SYNE1: variants seen among roughly 807,000 people sequenced by gnomAD.
SYNE1 encodes nesprin-1.
SYNE1 carries 616 observed loss-of-function variants against 1,111.0 expected under a neutral mutation model. That is an observed-to-expected ratio of 0.55 (90% CI 0.52 to 0.59). The LOEUF (loss-of-function observed/expected upper bound fraction) is 0.59, where lower values mean the gene tolerates loss of function less well. Among genes scored for constraint, SYNE1 ranks in the 20% least tolerant of loss-of-function variants. The pLI, the probability that SYNE1 is intolerant of heterozygous loss-of-function variation, is 0.00. For synonymous variants in SYNE1, 3,855 were observed against 3,825.8 expected (o/e 1.01, Z -0.28); for missense variants, 10,006 against 10,417.0 (o/e 0.96, Z 1.72).
At chr6:152,317,070 CAA>C in intron 86 of SYNE1, 84 bp from the exon 87 acceptor site, 1 of 1,522,514 alleles carries the variant, frequency 6.6e-7, no homozygotes, top group Non-Finnish European at 9.0e-7. Flanking sequence ...TCTTTGGACA[CAA>C]CAGTCTTAGG....
Position 152,488,470 on chromosome 6 carries a change from C to T in SYNE1, c.973G>A (p.Val325Ile). The change falls in exon 12 of 146, where the codon GTT becomes ATT. Residue 325 changes from valine to isoleucine, a missense_variant. Val to Ile is a conservative substitution (Grantham distance 29). Around this residue, in one of 7 missense-constraint regions of SYNE1, gnomAD observed 1,971 missense variants for 2,084.1 expected, o/e 0.95. Transcript: ENST00000367255. ...EDRVIFKEMK[V>I]WIEQFERDLT... is the part of the protein sequence containing the mutation. ...TCTCTCTCAAATTGTTCTATCCAAA[C>T]TTTCATTTCCTTAAAAATTACTCTG... is the stretch of plus-strand genomic sequence containing the variant. 1 of 1,606,076 alleles carries T rather than the reference C, an allele frequency of 6.2e-7. No homozygotes were observed. The highest frequency in any genetic ancestry group is 8.5e-7 in the Non-Finnish European group (1 of 1,174,426).
At position 152,353,762 on chromosome 6, in the gene SYNE1, C is replaced by T. The variant is rs759603128; in HGVS notation, c.10927-18G>A. 2.4e-5 allele frequency: 38 copies of T among 1,613,152 alleles called. No homozygotes were observed. Among genetic ancestry groups the T allele is most frequent in the Non-Finnish European group, 2.7e-5 (32 of 1,180,036 alleles). ...TGCCACTTCTGAAATGACAAAGTAT[C>T]GAAGGGAAAGATTCAATCTTAGCCA... On this transcript the variant is annotated intron_variant, in intron 67 of 145. Coordinates refer to ENST00000367255, the MANE Select transcript of SYNE1 (RefSeq NM_182961.4).
At chr6:152,211,219 C>T (rs992370569) in intron 124 of SYNE1, among the ~76,000 whole-genome samples, 2 of 152,150 alleles carry the variant, frequency 1.3e-5, no homozygotes, top group Non-Finnish European at 2.9e-5. Flanking sequence ...CTGATCTATT[C>T]ATTAATTCCA....
rs1932994 is a variant in SYNE1, at chr6:152,308,471, C to T, written c.17346+18G>A. ...AGCCAGTTTCCTGCCCTCGGTATTT[C>T]GCCTACATTCCTCTCACCTCATGCC... On this transcript the variant is annotated intron_variant, in intron 91 of 145. Coordinates refer to ENST00000367255, the MANE Select transcript of SYNE1 (RefSeq NM_182961.4). 1.1e-5 allele frequency: 17 copies of T among 1,613,886 alleles called. No individual in the cohort carries two copies. Among genetic ancestry groups the T allele is most frequent in the African/African-American group, 5.3e-5 (4 of 74,884 alleles).
At chr6:152,460,414 T>G (rs1323839941) in intron 21 of SYNE1, among the ~76,000 whole-genome samples, 2 of 152,142 alleles carry the variant, frequency 1.3e-5, no homozygotes, top group African/African-American at 4.8e-5. Context: ...TCATGATTTT[T>G]CCTATTTTAG....
intron 6 of SYNE1, among the ~76,000 whole-genome samples, chr6:152,513,094 G>A (rs2099093641): frequency 6.6e-6 from 1 of 152,174 alleles, no homozygotes; most frequent in Admixed American, 6.5e-5. Flanking sequence ...CCTCTGGAAA[G>A]TGTCTTAAAA....
At chr6:152,231,280 C>G (rs763453967) in intron 114 of SYNE1, 111 bp downstream of exon 114, 9 of 1,116,588 alleles carry the variant, frequency 8.1e-6, no homozygotes, top group Non-Finnish European at 1.2e-5. Flanking sequence ...TTATTGGAAG[C>G]GTTCTTTGCC....
intron 63 of SYNE1, chr6:152,363,638 C>A: frequency 2.5e-6 from 1 of 392,662 alleles, no homozygotes; most frequent in Non-Finnish European, 5.1e-6. Context: ...TCCATCCATC[C>A]ACACCCCCGG....
chr6:152,377,632 AAAAAAAAAATATATATATATAT>A (rs2097312065), intron 56 of SYNE1, among the ~76,000 whole-genome samples: 1 of 85,538 alleles, frequency 1.2e-5, no homozygotes, highest in Non-Finnish European at 2.1e-5. Context: ...AAAAAAAAAA[AAAAAAAAAATATATATATATAT>A]ATATATATAT....
intron 11 of SYNE1, among the ~76,000 whole-genome samples, chr6:152,492,975 G>A (rs577933190): frequency 6.6e-6 from 1 of 152,042 alleles, no homozygotes; most frequent in Admixed American, 6.6e-5. Context: ...ATTAGATCAA[G>A]ACATTTTAAG....
chr6:152,426,013 T>C (rs1206645685), intron 38 of SYNE1, among the ~76,000 whole-genome samples: 1 of 152,180 alleles, frequency 6.6e-6, no homozygotes, highest in Non-Finnish European at 1.5e-5. Context: ...CCTTTCTATT[T>C]AGAGTCTAGA....
chr6:152,248,207 C>G (rs936667593), intron 105 of SYNE1, among the ~76,000 whole-genome samples: 1 of 152,146 alleles, frequency 6.6e-6, no homozygotes, highest in Non-Finnish European at 1.5e-5. Context: ...CTGCAAACAT[C>G]CCCTACAACT....
At chr6:152,605,024 GAGAGAGAGA>G (rs2099609706) in intron 3 of SYNE1, among the ~76,000 whole-genome samples, 1 of 72,964 alleles carries the variant, frequency 1.4e-5, no homozygotes, top group Non-Finnish European at 2.6e-5. Context: ...GAGAGAGAGA[GAGAGAGAGA>G]GAGGGAGGGA....
intron 46 of SYNE1, 41 bp from the exon 47 acceptor site, chr6:152,401,382 A>G (rs1257350714): frequency 1.3e-6 from 2 of 1,574,928 alleles, no homozygotes; most frequent in Non-Finnish European, 1.7e-6. Context: ...TCTGAAGACC[A>G]GAAGAATACT....
In SYNE1 at chr6:152,458,884, A is replaced by C. The variant is rs1379888339; in HGVS notation, c.2441T>G (p.Leu814Trp). The C allele has an allele frequency of 6.2e-7, 1 of 1,614,088 alleles. No homozygotes were observed. The highest frequency in any genetic ancestry group is 2.2e-5 in the East Asian group (1 of 44,874). The change falls in exon 22 of 146, where the codon TTG (leucine) becomes TGG (tryptophan). Residue 814 changes from leucine to tryptophan, a missense_variant. Physicochemically the swap from Leu to Trp is moderately conservative, Grantham distance 61. Transcript: ENST00000367255. ...SPLLYESQQLLIPLEELEKQM... is the reference protein window; with the variant it reads ...SPLLYESQQLWIPLEELEKQM... ...CTTTTCTAATTCCTCCAACGGAATC[A>C]ACAGCTGCTGAGACTCATAAAGGAG...
At chr6:152,421,582 G>A (rs1229738632) in intron 39 of SYNE1, among the ~76,000 whole-genome samples, 6 of 151,926 alleles carry the variant, frequency 3.9e-5, no homozygotes. Flanking sequence ...TTTTTATTAT[G>A]TTCCCATAAT....
Position 152,249,175 on chromosome 6 carries a change from C to T in SYNE1, c.19558G>A (p.Ala6520Thr). The change falls in exon 105 of 146, where the codon GCA becomes ACA. Residue 6520 changes from alanine to threonine, a missense_variant. Transcript: ENST00000367255. Reference protein sequence around the residue: ...KLANVFEQPVAEQIEAIQQAE... With the variant: ...KLANVFEQPVTEQIEAIQQAE... ...GCTATAAATACCTCTATTTGTTCTGCTACGGGCTGTTCAAACACATTTGCC... is the reference window on the plus strand; with the variant it reads ...GCTATAAATACCTCTATTTGTTCTGTTACGGGCTGTTCAAACACATTTGCC... 2.5e-6 allele frequency: 4 copies of T among 1,612,746 alleles called. No individual in the cohort carries two copies. The highest frequency in any genetic ancestry group is 1.1e-5 in the South Asian group (1 of 91,056).
chr6:152,624,595 A>T (rs1312866231), intron 3 of SYNE1, among the ~76,000 whole-genome samples: 1 of 152,164 alleles, frequency 6.6e-6, no homozygotes, highest in Non-Finnish European at 1.5e-5. Context: ...ATACCCCTTT[A>T]TTATACTATT....
chr6:152,225,570 A>T, intron 116 of SYNE1, 151 bp downstream of exon 116: 1 of 930,328 alleles, frequency 1.1e-6, no homozygotes, highest in Non-Finnish European at 1.7e-6. Context: ...TTTAAAAAAA[A>T]AAAAGAGGAT....
Sources: allele counts gnomAD v4.1 joint callset (sites outside exome capture counted in the v4.1 genomes callset), GRCh38; gene constraint gnomAD v4.1.1; regional missense constraint gnomAD v4.1.1; transcripts MANE v1.5; gene names NCBI Gene and HGNC (gene_info 2026-07-23, HGNC 2026-07-21).